Variants in PDE8B observed in about 807,000 individuals in gnomAD.
PDE8B encodes high affinity cAMP-specific and IBMX-insensitive 3',5'-cyclic phosphodiesterase 8B.
In PDE8B, 26 loss-of-function variants were observed where a neutral mutation model predicts 101.3. That is an observed-to-expected ratio of 0.26 (90% CI 0.19 to 0.36). The LOEUF is 0.36. Among genes scored for constraint, PDE8B ranks in the 10% least tolerant of loss-of-function variants. The pLI is 1.00. For synonymous variants in PDE8B, 424 were observed against 429.3 expected (o/e 0.99, Z 0.15); for missense variants, 810 against 1,163.1 (o/e 0.70, Z 4.42).
chr5:77,337,394 G>A, intron 6 of PDE8B, 79 bp downstream of exon 6: 1 of 791,650 alleles, frequency 1.3e-6, no homozygotes, highest in Middle Eastern at 2.2e-4. Context: ...TGATGTTCAG[G>A]GGTTCATAGC....
At chr5:77,293,439 A>G (rs1266607875) in intron 1 of PDE8B, among the ~76,000 whole-genome samples, 1 of 152,162 alleles carries the variant, frequency 6.6e-6, no homozygotes, top group Non-Finnish European at 1.5e-5. Context: ...GAGACTTAGC[A>G]TTTTTTTAGT....
chr5:77,285,962 A>G (rs1765929780), intron 1 of PDE8B, among the ~76,000 whole-genome samples: 1 of 151,710 alleles, frequency 6.6e-6, no homozygotes, highest in South Asian at 2.1e-4. Flanking sequence ...TTTGGCTGAG[A>G]GTTCTTCTTT....
chr5:77,161,612 T>C, the PDE8B span, among the ~76,000 whole-genome samples: 50 of 152,264 alleles, frequency 3.3e-4, no homozygotes, highest in African/African-American at 1.1e-3. Context: ...TGGGTGAATA[T>C]CTAGAAGCAG....
intron 1 of PDE8B, among the ~76,000 whole-genome samples, chr5:77,241,067 G>C (rs76035886): frequency 0.03 from 4,623 of 152,280 alleles, 228 homozygotes; most frequent in African/African-American, 0.11. Flanking sequence ...CAATCAACAA[G>C]GGAGACAGCA....
At chr5:77,374,024 G>A (rs6881859) in intron 10 of PDE8B, among the ~76,000 whole-genome samples, 45,408 of 151,740 alleles carry the variant, frequency 0.3, 8,557 homozygotes, top group African/African-American at 0.54. Flanking sequence ...CTAATTTTGT[G>A]TTTTTAGTAG....
the PDE8B span, chr5:77,114,623 G>C: frequency 6.6e-6 from 1 of 151,990 alleles, no homozygotes; most frequent in Non-Finnish European, 1.5e-5. Context: ...TAACAAACCT[G>C]CACGTTGTGC....
At chr5:77,097,685 TTATATATCTATATATATATATC>T in the PDE8B span, among the ~76,000 whole-genome samples, 588 of 18,124 alleles carry the variant, frequency 0.032, 51 homozygotes, top group African/African-American at 0.067. Flanking sequence ...TGTGGAGATT[TTATATATCTATATATATATATC>T]TATATATATA....
the PDE8B span, among the ~76,000 whole-genome samples, chr5:77,111,405 G>A: frequency 6.6e-6 from 1 of 152,270 alleles, no homozygotes; most frequent in South Asian, 2.1e-4. Flanking sequence ...AATTAGAAAA[G>A]TCTGATATCT....
chr5:77,404,866 A>ACATATTC (rs1364092668), intron 12 of PDE8B, 69 bp downstream of exon 12: 3 of 1,003,420 alleles, frequency 3.0e-6, no homozygotes, highest in Non-Finnish European at 4.7e-6. Context: ...ATGTTAAAAA[A>ACATATTC]TTCATCAGCG....
intron 1 of PDE8B, among the ~76,000 whole-genome samples, chr5:77,259,922 G>A (rs1484222126): frequency 6.6e-6 from 1 of 152,194 alleles, no homozygotes; most frequent in East Asian, 1.9e-4. Context: ...AGCAGTTTGG[G>A]AGGCCGAGGT....
chr5:77,190,898 T>C, the PDE8B span, among the ~76,000 whole-genome samples: 1 of 152,218 alleles, frequency 6.6e-6, no homozygotes, highest in Non-Finnish European at 1.5e-5. Flanking sequence ...GGTGGTCCAG[T>C]ATATCAGTCG....
At chr5:77,402,975 A>G (rs968033312) in intron 11 of PDE8B, among the ~76,000 whole-genome samples, 1 of 152,176 alleles carries the variant, frequency 6.6e-6, no homozygotes, top group Admixed American at 6.5e-5. Flanking sequence ...ACTTATTGGC[A>G]TCTGAGAAGC....
At chr5:77,097,720 T>C in the PDE8B span, among the ~76,000 whole-genome samples, 7 of 41,900 alleles carry the variant, frequency 1.7e-4, no homozygotes, top group African/African-American at 3.4e-4. Flanking sequence ...TATATATATA[T>C]ATATATATAT....
intron 1 of PDE8B, among the ~76,000 whole-genome samples, chr5:77,271,374 T>C (rs1193646236): frequency 6.6e-6 from 1 of 152,172 alleles, no homozygotes; most frequent in East Asian, 1.9e-4. Context: ...TGGTACGTGA[T>C]CTTGAGAAAG....
chr5:77,348,324 A>C (rs1780504698), intron 7 of PDE8B, among the ~76,000 whole-genome samples: 1 of 152,166 alleles, frequency 6.6e-6, no homozygotes, highest in Admixed American at 6.5e-5. Flanking sequence ...CTCTCCACTC[A>C]GCCCCCATCT....
rs1450863356 is a variant in PDE8B, at chr5:77,210,882, C to T, written c.-44C>T. 1.5e-4 allele frequency: 190 copies of T among 1,236,040 alleles called. No individual in the cohort carries two copies. The East Asian group carries it at 6.7e-3, about 44-fold the overall frequency. The allele number at this position is 1,236,040 out of a possible 1,614,324, so 76.6% of individuals were successfully genotyped here. ...TGGCAGCGGGTGCGCTGGGTCCCGG[C>T]GGCCGCGGGCGCGGGCGGGCGCGCG... On this transcript the variant is annotated 5_prime_UTR_variant, in exon 1 of 22. Coordinates refer to ENST00000264917, the MANE Select transcript of PDE8B (RefSeq NM_003719.5). This position sits in a 1 kb window ranked among gnomAD's most constrained non-coding sequence, Gnocchi z 4.9.
intron 1 of PDE8B, among the ~76,000 whole-genome samples, chr5:77,283,164 A>C (rs1344127001): frequency 6.6e-6 from 1 of 152,188 alleles, no homozygotes; most frequent in African/African-American, 2.4e-5. Context: ...AAATAGACTT[A>C]ATTTTTTTAC....
At chr5:77,361,761 G>C (rs902589301) in intron 10 of PDE8B, among the ~76,000 whole-genome samples, 2 of 152,018 alleles carry the variant, frequency 1.3e-5, no homozygotes, top group Admixed American at 6.6e-5. Context: ...TGATCCACCC[G>C]CCTCGGCCTC....
At chr5:77,389,166 A>G (rs1181656628) in intron 10 of PDE8B, among the ~76,000 whole-genome samples, 1 of 152,104 alleles carries the variant, frequency 6.6e-6, no homozygotes, top group Non-Finnish European at 1.5e-5. Flanking sequence ...ACGGCCGCCC[A>G]GTTTTGTGCT....
Sources: allele counts gnomAD v4.1 joint callset (sites outside exome capture counted in the v4.1 genomes callset), GRCh38; gene constraint gnomAD v4.1.1; non-coding constraint Gnocchi (gnomAD v3.1); transcripts MANE v1.5; gene names NCBI Gene and HGNC (gene_info 2026-07-23, HGNC 2026-07-21).